PTPRG: variants seen among roughly 807,000 people sequenced by gnomAD.
PTPRG encodes the protein receptor-type tyrosine-protein phosphatase gamma.
Under a neutral mutation model 165.3 loss-of-function variants are expected in PTPRG, and 102 were observed. That is an observed-to-expected ratio of 0.62 (90% CI 0.53 to 0.73). The LOEUF (loss-of-function observed/expected upper bound fraction) is 0.73, where lower values mean the gene tolerates loss of function less well. Among genes scored for constraint, PTPRG ranks in the 30% least tolerant of loss-of-function variants. The pLI is 0.00. For synonymous variants in PTPRG, 675 were observed against 669.5 expected (o/e 1.01, Z -0.13); for missense variants, 1,866 against 1,861.4 (o/e 1.00, Z -0.05).
At chr3:61,879,027 T>G (rs936941090) in intron 2 of PTPRG, among the ~76,000 whole-genome samples, 3 of 152,206 alleles carry the variant, frequency 2.0e-5, no homozygotes, top group African/African-American at 7.2e-5. Flanking sequence ...TATAAAAAAC[T>G]GAAAAGTAAT....
At chr3:61,885,205 A>G (rs1163462899) in intron 2 of PTPRG, among the ~76,000 whole-genome samples, 1 of 152,004 alleles carries the variant, frequency 6.6e-6, no homozygotes, top group Admixed American at 6.5e-5. Context: ...GTAAACTATG[A>G]CAGTTTGCTT....
At chr3:62,048,692 A>G (rs1200448836) in intron 4 of PTPRG, among the ~76,000 whole-genome samples, 4 of 152,234 alleles carry the variant, frequency 2.6e-5, no homozygotes, top group South Asian at 4.1e-4. Flanking sequence ...TGCTATTAGC[A>G]GACTATTGTC....
intron 4 of PTPRG, among the ~76,000 whole-genome samples, chr3:62,072,611 GTGTA>G (rs754492052): frequency 8.5e-4 from 118 of 139,134 alleles, no homozygotes; most frequent in Middle Eastern, 3.4e-3. Context: ...GAATATATAT[GTGTA>G]TGTGTGTGTG....
chr3:61,724,116 C>G (rs2032159394), intron 1 of PTPRG, among the ~76,000 whole-genome samples: 1 of 150,606 alleles, frequency 6.6e-6, no homozygotes, highest in Non-Finnish European at 1.5e-5. Context: ...GTCTGTAACC[C>G]CAGCTACTTG....
At chr3:61,829,093 TGAGA>T (rs1288475295) in intron 2 of PTPRG, among the ~76,000 whole-genome samples, 1 of 152,010 alleles carries the variant, frequency 6.6e-6, no homozygotes, top group Non-Finnish European at 1.5e-5. Context: ...TGCCTATGAG[TGAGA>T]GAGAAGGAAC....
chr3:61,765,544 T>C (rs964385381), intron 2 of PTPRG, among the ~76,000 whole-genome samples: 4 of 152,164 alleles, frequency 2.6e-5, no homozygotes, highest in African/African-American at 9.7e-5. Flanking sequence ...AGAAAATTTA[T>C]AGTTACCCAG....
chr3:61,944,600 ATC>A (rs2039710446), intron 2 of PTPRG, among the ~76,000 whole-genome samples: 1 of 152,136 alleles, frequency 6.6e-6, no homozygotes, highest in African/African-American at 2.4e-5. Flanking sequence ...CTACATGATA[ATC>A]TGTTTGTGAG....
chr3:61,770,889 C>G (rs1399508322), intron 2 of PTPRG: 1 of 152,072 alleles, frequency 6.6e-6, no homozygotes, highest in Non-Finnish European at 1.5e-5. Flanking sequence ...CTTTCTTTTT[C>G]TGTTCTAGCT....
chr3:62,138,728 A>AG (rs1390156252), intron 6 of PTPRG, among the ~76,000 whole-genome samples: 6 of 151,776 alleles, frequency 4.0e-5, no homozygotes, highest in Admixed American at 1.3e-4. Context: ...AAAAAAAAAA[A>AG]AAAAAAAAGA....
intron 5 of PTPRG, among the ~76,000 whole-genome samples, chr3:62,085,601 G>A (rs1456896448): frequency 6.6e-6 from 1 of 152,012 alleles, no homozygotes; most frequent in Admixed American, 6.6e-5. Context: ...CTTTACTAGG[G>A]TTCCTCTATG....
chr3:62,151,954 A>G (rs1704352483), intron 6 of PTPRG, among the ~76,000 whole-genome samples: 2 of 152,220 alleles, frequency 1.3e-5, no homozygotes, highest in African/African-American at 4.8e-5. Flanking sequence ...ATGAGGAAAC[A>G]CTTACACAAA....
At chr3:61,984,918 T>G (rs984380534) in intron 2 of PTPRG, among the ~76,000 whole-genome samples, 1 of 152,246 alleles carries the variant, frequency 6.6e-6, no homozygotes, top group Non-Finnish European at 1.5e-5. Flanking sequence ...AATTTGGGTT[T>G]GTCTGATGTA....
At chr3:62,121,264 C>G (rs1703061071) in intron 5 of PTPRG, among the ~76,000 whole-genome samples, 2 of 152,062 alleles carry the variant, frequency 1.3e-5, no homozygotes, top group South Asian at 4.1e-4. Context: ...ATAGCTACAG[C>G]TTTTAAGGAT....
chr3:61,645,439 C>T (rs1702173643), intron 1 of PTPRG, among the ~76,000 whole-genome samples: 1 of 152,186 alleles, frequency 6.6e-6, no homozygotes, highest in African/African-American at 2.4e-5. Context: ...AGTGTGTGGG[C>T]ATGTGACCCG....
At chr3:61,958,304 A>G (rs1187753767) in intron 2 of PTPRG, among the ~76,000 whole-genome samples, 2 of 151,778 alleles carry the variant, frequency 1.3e-5, no homozygotes, top group African/African-American at 2.4e-5. Flanking sequence ...TTCTTTTTGT[A>G]TTTTTAGTAG....
At chr3:61,984,606 C>A (rs1460614901) in intron 2 of PTPRG, among the ~76,000 whole-genome samples, 1 of 152,200 alleles carries the variant, frequency 6.6e-6, no homozygotes, top group Non-Finnish European at 1.5e-5. Flanking sequence ...ATAATTTCTT[C>A]ATTTCATTGT....
At chr3:62,164,969 A>G (rs1704911994) in intron 7 of PTPRG, among the ~76,000 whole-genome samples, 3 of 152,204 alleles carry the variant, frequency 2.0e-5, no homozygotes, top group Non-Finnish European at 4.4e-5. Context: ...TTTCCGGTCT[A>G]ATTCACGATG....
At position 61,902,928 on chromosome 3, in the gene PTPRG, C is replaced by T. The variant is rs1030521172; in HGVS notation, c.191-86697C>T. Among the ~76,000 whole-genome samples, 8 of 152,062 alleles carry T rather than the reference C, an allele frequency of 5.3e-5. No homozygotes were observed. In the East Asian group the frequency reaches 1.5e-3, roughly 29 times the overall value. On this transcript the variant is annotated intron_variant, in intron 2 of 29. Transcript: ENST00000474889. The stretch of plus-strand genomic sequence containing the variant: ...GCCATCTTGGTAACTAGGAGAGTCG[C>T]CCCTCAACTCAGCTCTCCTTTCCCA...
chr3:62,058,250 A>G (rs1316574198), intron 4 of PTPRG, among the ~76,000 whole-genome samples: 1 of 152,178 alleles, frequency 6.6e-6, no homozygotes, highest in Non-Finnish European at 1.5e-5. Context: ...ACCTCACCTT[A>G]ATAATCTTAT....
Sources: gnomAD v4.1 joint callset for allele counts (sites outside exome capture counted in the v4.1 genomes callset) on GRCh38, gnomAD v4.1.1 for gene constraint, MANE v1.5 for transcripts, NCBI Gene and HGNC (gene_info 2026-07-23, HGNC 2026-07-21) for gene names.